Variants in ELMO1 observed in about 807,000 individuals in gnomAD.
ELMO1 encodes the protein engulfment and cell motility protein 1.
A neutral mutation model predicts 98.9 loss-of-function variants in ELMO1; 26 were observed. That is an observed-to-expected ratio of 0.26 (90% confidence interval 0.19 to 0.36). The LOEUF (loss-of-function observed/expected upper bound fraction) is 0.36. ELMO1 is among the 10% of genes least tolerant of loss of function. The pLI is 1.00. For missense variants in ELMO1, 627 were observed against 935.2 expected, an observed-to-expected ratio of 0.67 and a Z score of 4.30; for synonymous variants, 346 against 346.0, an observed-to-expected ratio of 1.00 and a Z score of 0.00.
At chr7:37,128,402 T>C (rs1340727918) in intron 14 of ELMO1, among the ~76,000 whole-genome samples, 4 of 152,072 alleles carry the variant, frequency 2.6e-5, no homozygotes, top group African/African-American at 9.7e-5. Flanking sequence ...AGTGAAACAT[T>C]TCTAGAAAAA....
At chr7:37,104,349 T>A (rs188355694) in intron 14 of ELMO1, among the ~76,000 whole-genome samples, 1 of 150,712 alleles carries the variant, frequency 6.6e-6, no homozygotes, top group Non-Finnish European at 1.5e-5. Flanking sequence ...TTAATGTGTG[T>A]CAGAATCACC....
At chr7:37,201,885 C>T (rs1162498324) in intron 13 of ELMO1, among the ~76,000 whole-genome samples, 3 of 152,174 alleles carry the variant, frequency 2.0e-5, no homozygotes, top group Non-Finnish European at 2.9e-5. Flanking sequence ...AGAGAGAGTC[C>T]GGTCTGATCA....
At chr7:37,354,013 G>C (rs994858402) in intron 1 of ELMO1, among the ~76,000 whole-genome samples, 5 of 152,208 alleles carry the variant, frequency 3.3e-5, no homozygotes. Flanking sequence ...TCATGCACCA[G>C]TTTCTCTTAA....
intron 15 of ELMO1, among the ~76,000 whole-genome samples, chr7:37,072,959 A>G (rs905933832): frequency 6.6e-6 from 1 of 152,242 alleles, no homozygotes; most frequent in African/African-American, 2.4e-5. Flanking sequence ...TAATTTTATC[A>G]TATCCCTGCT....
At position 36,870,561 on chromosome 7, in the gene ELMO1, G is replaced by T. The variant is rs917063464; in HGVS notation, c.1823-86C>A. The T allele has an allele frequency of 2.4e-6, 3 of 1,272,552 alleles. No individual in the cohort carries two copies. Among genetic ancestry groups the T allele is most frequent in the South Asian group, 1.4e-5 (1 of 72,584 alleles). The allele number at this position is 1,272,552 out of a possible 1,614,324, so 78.8% of individuals were successfully genotyped here. On this transcript the variant is annotated intron_variant, in intron 19 of 21. Coordinates refer to ENST00000310758, the MANE Select transcript of ELMO1 (RefSeq NM_014800.11). The surrounding 1 kb of genome is among the most constrained non-coding windows in gnomAD (Gnocchi z 4.4). The stretch of plus-strand genomic sequence containing the variant: ...AGAAACAGGACTAAGCACTGGGTCC[G>T]CTACTGTGGTTACCATTCCCAGAAA...
intron 13 of ELMO1, among the ~76,000 whole-genome samples, chr7:37,205,526 G>A (rs537987967): frequency 2.5e-4 from 38 of 152,050 alleles, no homozygotes; most frequent in South Asian, 1.7e-3. Flanking sequence ...CTTACACTTC[G>A]GAACATAAAA....
At chr7:36,886,153 A>G (rs1467115520) in intron 18 of ELMO1, among the ~76,000 whole-genome samples, 2 of 152,166 alleles carry the variant, frequency 1.3e-5, no homozygotes, top group Non-Finnish European at 2.9e-5. Flanking sequence ...CAGTGGCTGA[A>G]TGGGAGGGAG....
intron 15 of ELMO1, among the ~76,000 whole-genome samples, chr7:37,092,363 A>ATTTTTTTTTTTT (rs1784145396): frequency 1.5e-5 from 1 of 65,416 alleles, no homozygotes; most frequent in African/African-American, 5.1e-5. Flanking sequence ...AATTACCCAT[A>ATTTTTTTTTTTT]TTCTTTTTTT....
chr7:37,139,164 C>T (rs1297202202), intron 13 of ELMO1, among the ~76,000 whole-genome samples: 1 of 152,130 alleles, frequency 6.6e-6, no homozygotes, highest in East Asian at 1.9e-4. Flanking sequence ...AGAACTAGAA[C>T]AGACAAGGAT....
chr7:37,020,415 A>C (rs1169340915), intron 15 of ELMO1, among the ~76,000 whole-genome samples: 2 of 152,204 alleles, frequency 1.3e-5, no homozygotes, highest in East Asian at 3.8e-4. Flanking sequence ...AGGTTTAGCA[A>C]ATGTTTGATG....
In ELMO1 at chr7:36,860,485, A is replaced by G. The variant is rs575417175; in HGVS notation, c.1983+1174T>C. Among the ~76,000 whole-genome samples, 17 of 152,376 alleles carry G rather than the reference A, an allele frequency of 1.1e-4. No homozygotes were observed. In the East Asian group the frequency reaches 3.3e-3, roughly 29 times the overall value. ...CATATGGCATTTTTCTCTTCATTGT[A>G]TCTATAAGAAGTGGCAGATATGAAT... On this transcript the variant is annotated intron_variant, in intron 21 of 21. Coordinates refer to ENST00000310758, the MANE Select transcript of ELMO1 (RefSeq NM_014800.11).
At chr7:37,162,501 G>C (rs562386950) in intron 13 of ELMO1, among the ~76,000 whole-genome samples, 43 of 152,298 alleles carry the variant, frequency 2.8e-4, no homozygotes, top group Admixed American at 6.5e-4. Context: ...TCGTAAACAT[G>C]CATTTTCATC....
At chr7:37,262,051 C>G (rs183933251) in intron 5 of ELMO1, among the ~76,000 whole-genome samples, 84 of 152,252 alleles carry the variant, frequency 5.5e-4, no homozygotes, top group African/African-American at 2.0e-3. Flanking sequence ...AAGAAAAAGT[C>G]AATAATGTGG....
intron 8 of ELMO1, among the ~76,000 whole-genome samples, chr7:37,225,607 TA>T (rs1230082509): frequency 6.6e-6 from 1 of 152,222 alleles, no homozygotes; most frequent in Non-Finnish European, 1.5e-5. Flanking sequence ...TTCTGATGGT[TA>T]AAACAAGTTC....
intron 13 of ELMO1, among the ~76,000 whole-genome samples, chr7:37,159,170 G>A (rs147456130): frequency 4.9e-4 from 75 of 152,226 alleles, no homozygotes; most frequent in Non-Finnish European, 9.0e-4. Flanking sequence ...GGGGGCTGGC[G>A]GAGGATAGCA....
At chr7:37,110,852 C>T (rs541892424) in intron 14 of ELMO1, among the ~76,000 whole-genome samples, 4 of 152,316 alleles carry the variant, frequency 2.6e-5, no homozygotes, top group Admixed American at 1.3e-4. Context: ...ATTTCCTCTC[C>T]TCCAAGCAGC....
intron 4 of ELMO1, among the ~76,000 whole-genome samples, chr7:37,301,074 C>T (rs1469329884): frequency 6.6e-6 from 1 of 151,926 alleles, no homozygotes; most frequent in East Asian, 1.9e-4. Flanking sequence ...TTGTAGTATT[C>T]TCTGATGGTA....
intron 2 of ELMO1, among the ~76,000 whole-genome samples, chr7:37,339,482 G>A (rs1800601644): frequency 6.6e-6 from 1 of 152,202 alleles, no homozygotes; most frequent in South Asian, 2.1e-4. Context: ...CTAAAAAGAA[G>A]CAAAGAGCTT....
intron 5 of ELMO1, chr7:37,271,536 T>C (rs990572118): frequency 3.6e-5 from 11 of 304,480 alleles, no homozygotes; most frequent in Non-Finnish European, 6.6e-5. Flanking sequence ...ATGAACTAAA[T>C]AAAATACAGA....
Sources: allele counts gnomAD v4.1 joint callset (sites outside exome capture counted in the v4.1 genomes callset), GRCh38; gene constraint gnomAD v4.1.1; non-coding constraint Gnocchi (gnomAD v3.1); transcripts MANE v1.5; gene names NCBI Gene and HGNC (gene_info 2026-07-23, HGNC 2026-07-21).